Variants in CACNA2D1 observed in about 807,000 individuals in gnomAD.
The protein encoded by CACNA2D1 is voltage-dependent calcium channel subunit alpha-2/delta-1.
Under a neutral mutation model 171.5 loss-of-function variants are expected in CACNA2D1, and 53 were observed. The observed-to-expected ratio is 0.31, with a 90% confidence interval of 0.25 to 0.39. The LOEUF (loss-of-function observed/expected upper bound fraction) is 0.39, where lower values mean the gene tolerates loss of function less well. Ranked by LOEUF, CACNA2D1 falls within the 10% of genes least tolerant of loss-of-function variation. The probability of loss-of-function intolerance (pLI) is 1.00; values close to 1 mark genes in which losing one functional copy is unlikely to be tolerated. For synonymous variants in CACNA2D1, 442 were observed against 443.1 expected (o/e 1.00, Z 0.03); for missense variants, 903 against 1,299.8 (o/e 0.69, Z 4.69).
Position 82,309,090 on chromosome 7 carries a change from G to A in CACNA2D1, c.294+26045C>T, listed in dbSNP as rs530248660. ...TTCTAAGTGAACCAACATAATCTTT[G>A]GTAAACAAAGCTAGTTTTAAAATTG... On this transcript the variant is annotated intron_variant, in intron 3 of 38. Transcript: ENST00000356860. Among the ~76,000 whole-genome samples the A allele has an allele frequency of 1.6e-4, 24 of 152,236 alleles. No individual in the cohort carries two copies. The South Asian group carries it at 5.0e-3, about 32-fold the overall frequency.
intron 3 of CACNA2D1, among the ~76,000 whole-genome samples, chr7:82,179,435 C>T (rs1330911426): frequency 6.6e-6 from 1 of 152,116 alleles, no homozygotes; most frequent in Non-Finnish European, 1.5e-5. Context: ...AAACTATTTA[C>T]ATTAGGAGAT....
chr7:82,215,591 T>C (rs578127255), intron 3 of CACNA2D1, among the ~76,000 whole-genome samples: 2 of 152,286 alleles, frequency 1.3e-5, no homozygotes, highest in East Asian at 1.9e-4. Flanking sequence ...ATGTAGGTCA[T>C]GTATGAGTTC....
At chr7:81,981,444 G>C (rs910483037) in intron 24 of CACNA2D1, among the ~76,000 whole-genome samples, 1 of 152,064 alleles carries the variant, frequency 6.6e-6, no homozygotes, top group Non-Finnish European at 1.5e-5. Context: ...TTTGTTAACA[G>C]AGATTTTTCA....
intron 1 of CACNA2D1, among the ~76,000 whole-genome samples, chr7:82,405,408 A>G (rs1332588407): frequency 3.3e-5 from 5 of 152,210 alleles, no homozygotes; most frequent in Non-Finnish European, 7.3e-5. Context: ...ATTTATACCA[A>G]TGGGATCACA....
chr7:82,283,309 TAGA>T (rs1251594012), intron 3 of CACNA2D1, among the ~76,000 whole-genome samples: 1 of 152,144 alleles, frequency 6.6e-6, no homozygotes, highest in Non-Finnish European at 1.5e-5. Context: ...CTTCTAACAT[TAGA>T]AGAAGACAAC....
At chr7:82,358,513 C>T (rs909559051) in intron 1 of CACNA2D1, among the ~76,000 whole-genome samples, 5 of 152,082 alleles carry the variant, frequency 3.3e-5, no homozygotes, top group Non-Finnish European at 4.4e-5. Context: ...TTGTGAAGTG[C>T]TTTAGTATTC....
intron 24 of CACNA2D1, among the ~76,000 whole-genome samples, chr7:81,980,207 G>A (rs1055900303): frequency 2.3e-5 from 3 of 129,640 alleles, no homozygotes; most frequent in Non-Finnish European, 3.2e-5. Context: ...AAAAGAAAGT[G>A]CATTTAGGAA....
chr7:81,996,432 A>G (rs1393251180), intron 19 of CACNA2D1, among the ~76,000 whole-genome samples: 1 of 152,072 alleles, frequency 6.6e-6, no homozygotes, highest in Non-Finnish European at 1.5e-5. Context: ...TGGCATTTGC[A>G]AGGGAGTTAA....
intron 3 of CACNA2D1, among the ~76,000 whole-genome samples, chr7:82,271,847 T>A (rs1326523578): frequency 6.6e-6 from 1 of 151,900 alleles, no homozygotes; most frequent in Non-Finnish European, 1.5e-5. Context: ...ATATTTATAA[T>A]CATAGACAAT....
chr7:82,235,469 A>C (rs545542723), intron 3 of CACNA2D1, among the ~76,000 whole-genome samples: 2 of 152,142 alleles, frequency 1.3e-5, no homozygotes, highest in Non-Finnish European at 2.9e-5. Context: ...ATGAATTCAC[A>C]CTATATCCAA....
rs1011772707 is a variant in CACNA2D1, at chr7:82,266,875, G to A, written c.294+68260C>T. Reference sequence around the variant, plus strand: ...TTTCCTATGTCCAGCTAAATTGTAAGAAGAACTGTACTACCTTAAAGAAAG... The same window carrying A: ...TTTCCTATGTCCAGCTAAATTGTAAAAAGAACTGTACTACCTTAAAGAAAG... On this transcript the variant is annotated intron_variant, in intron 3 of 38. Transcript: ENST00000356860. 3.9e-5 allele frequency among the ~76,000 whole-genome samples: 6 copies of A among 152,116 alleles called. 1 individual carries two copies. Among genetic ancestry groups the A allele is most frequent in the Admixed American group, 3.3e-4 (5 of 15,268 alleles).
chr7:82,217,394 C>CATATATATATAT (rs6150191), intron 3 of CACNA2D1, among the ~76,000 whole-genome samples: 1,854 of 102,098 alleles, frequency 0.018, 139 homozygotes, highest in African/African-American at 0.053. Context: ...CACACACATA[C>CATATATATATAT]ATATATATAT....
intron 3 of CACNA2D1, among the ~76,000 whole-genome samples, chr7:82,310,899 T>C (rs1814373690): frequency 6.6e-6 from 1 of 152,158 alleles, no homozygotes; most frequent in East Asian, 1.9e-4. Context: ...TTTTAAGTTG[T>C]AAATTAAGTG....
chr7:82,072,936 T>C (rs1775089899), intron 7 of CACNA2D1, among the ~76,000 whole-genome samples: 1 of 152,146 alleles, frequency 6.6e-6, no homozygotes, highest in Non-Finnish European at 1.5e-5. Flanking sequence ...ACTGAGTCAC[T>C]GGAACTATAG....
chr7:82,293,789 T>C (rs1811942851), intron 3 of CACNA2D1, among the ~76,000 whole-genome samples: 1 of 152,188 alleles, frequency 6.6e-6, no homozygotes, highest in South Asian at 2.1e-4. Context: ...AATCTTTATG[T>C]TTTCAGCTAT....
chr7:82,289,567 T>C (rs1406893394), intron 3 of CACNA2D1, among the ~76,000 whole-genome samples: 1 of 152,182 alleles, frequency 6.6e-6, no homozygotes, highest in Non-Finnish European at 1.5e-5. Context: ...ATGATAAAGG[T>C]CTTTCATTAA....
intron 1 of CACNA2D1, among the ~76,000 whole-genome samples, chr7:82,433,056 C>T (rs1244105036): frequency 2.0e-5 from 3 of 152,002 alleles, no homozygotes; most frequent in African/African-American, 4.8e-5. Context: ...GGTGTGGTGG[C>T]GTGCGCCTGT....
chr7:82,035,339 C>T (rs76701855), intron 11 of CACNA2D1, among the ~76,000 whole-genome samples: 1,155 of 115,450 alleles, frequency 0.01, 18 homozygotes, highest in African/African-American at 0.025. Context: ...GTAAATGCTG[C>T]GAGGACAAAA....
intron 7 of CACNA2D1, among the ~76,000 whole-genome samples, chr7:82,071,071 T>C (rs1200054571): frequency 3.3e-5 from 5 of 152,186 alleles, no homozygotes; most frequent in African/African-American, 1.2e-4. Context: ...CTGGGCATTG[T>C]TGTTGATGTT....
Sources: gnomAD v4.1 joint callset for allele counts (sites outside exome capture counted in the v4.1 genomes callset) on GRCh38, gnomAD v4.1.1 for gene constraint, MANE v1.5 for transcripts, NCBI Gene and HGNC (gene_info 2026-07-23, HGNC 2026-07-21) for gene names.